ANTXR2: variants seen among roughly 807,000 people sequenced by gnomAD.
ANTXR2 encodes anthrax toxin receptor 2.
A neutral mutation model predicts 73.7 loss-of-function variants in ANTXR2; 44 were observed. The observed-to-expected ratio is 0.60, with a 90% CI of 0.47 to 0.77. The LOEUF is 0.77. Ranked by LOEUF, ANTXR2 falls within the 30% of genes least tolerant of loss-of-function variation. ANTXR2 has a pLI of 0.00. For missense variants in ANTXR2, 604 were observed against 592.5 expected, an observed-to-expected ratio of 1.02 and a Z score of -0.20; for synonymous variants, 217 against 205.9, an observed-to-expected ratio of 1.05 and a Z score of -0.46.
intron 16 of ANTXR2, among the ~76,000 whole-genome samples, chr4:79,948,219 T>C (rs1369692717): frequency 6.6e-6 from 1 of 152,132 alleles, no homozygotes; most frequent in Admixed American, 6.6e-5. Context: ...ATTGGGAAAA[T>C]ACCCCCTCAA....
In ANTXR2 at chr4:80,014,903, C is replaced by T. The variant is rs187174304; in HGVS notation, c.945+3995G>A. 7.2e-5 allele frequency among the ~76,000 whole-genome samples: 11 copies of T among 152,270 alleles called. 1 individual carries two copies. In the South Asian group the frequency reaches 1.9e-3, roughly 26 times the overall value. Reference sequence around the variant, plus strand: ...ACTGGTGGCCTATAATTCCCACCACCCTAGCTTTGAAAATTCTCCAACCTT... The same window carrying T: ...ACTGGTGGCCTATAATTCCCACCACTCTAGCTTTGAAAATTCTCCAACCTT... On this transcript the variant is annotated intron_variant, in intron 11 of 16. Transcript: ENST00000403729.
At chr4:80,035,871 A>T in intron 8 of ANTXR2, 101 bp downstream of exon 8, 3 of 996,200 alleles carry the variant, frequency 3.0e-6, no homozygotes, top group Non-Finnish European at 4.4e-6. Flanking sequence ...CAAAAAAGTT[A>T]ATTTTGCTAT....
intron 16 of ANTXR2, among the ~76,000 whole-genome samples, chr4:79,922,888 A>G (rs1727643557): frequency 6.6e-6 from 1 of 152,142 alleles, no homozygotes; most frequent in Non-Finnish European, 1.5e-5. Flanking sequence ...TAATTAATGT[A>G]TTATCTTAGA....
chr4:80,017,107 G>A (rs780839600), intron 11 of ANTXR2, among the ~76,000 whole-genome samples: 50 of 152,302 alleles, frequency 3.3e-4, no homozygotes, highest in Non-Finnish European at 6.3e-4. Context: ...CAGAAGAAAA[G>A]CTCAGGTCCT....
At chr4:79,930,782 A>G (rs1213611030) in intron 16 of ANTXR2, among the ~76,000 whole-genome samples, 1 of 152,246 alleles carries the variant, frequency 6.6e-6, no homozygotes, top group Non-Finnish European at 1.5e-5. Context: ...ATAATCAAGC[A>G]TACTAAAAGT....
intron 11 of ANTXR2, among the ~76,000 whole-genome samples, chr4:80,010,046 G>T (rs1731496444): frequency 6.8e-6 from 1 of 147,930 alleles, no homozygotes; most frequent in African/African-American, 2.5e-5. Context: ...TTGTTTTGTG[G>T]TTTTTTTTTT....
At chr4:79,945,327 C>T (rs572988248) in intron 16 of ANTXR2, among the ~76,000 whole-genome samples, 1 of 152,094 alleles carries the variant, frequency 6.6e-6, no homozygotes, top group East Asian at 1.9e-4. Context: ...CTTTAAAATT[C>T]CCATTTCAAT....
intron 13 of ANTXR2, among the ~76,000 whole-genome samples, chr4:79,984,492 G>A (rs76269572): frequency 0.018 from 2,730 of 152,158 alleles, 43 homozygotes; most frequent in Middle Eastern, 0.088. Flanking sequence ...AAAGTAATAG[G>A]ATCTTTCAAC....
rs972262071 is a variant in ANTXR2 at position 80,016,209 on chromosome 4, T to C, written c.945+2689A>G. Among the ~76,000 whole-genome samples the C allele has an allele frequency of 1.3e-4, 20 of 152,174 alleles. No individual in the cohort carries two copies. In the East Asian group the frequency reaches 3.5e-3, roughly 26 times the overall value. On this transcript the variant is annotated intron_variant, in intron 11 of 16. Coordinates refer to ENST00000403729, the MANE Select transcript of ANTXR2 (RefSeq NM_058172.6). The stretch of plus-strand genomic sequence containing the variant: ...GAATCACAGCCTGTAGGATGAACTC[T>C]AAATTCAATTCGGTTTCTTAGGTTG...
rs1578139092 is a variant in ANTXR2, at chr4:79,994,701, G to A, written c.1042-9838C>T. On this transcript the variant is annotated intron_variant, in intron 12 of 16. Transcript: ENST00000403729. Reference sequence around the variant, plus strand: ...TAGCATCTAGTTTAATAGTGATATGGGAAAATTGAATTTCAATTTAAAATC... The same window carrying A: ...TAGCATCTAGTTTAATAGTGATATGAGAAAATTGAATTTCAATTTAAAATC... Among the ~76,000 whole-genome samples, 3 of 151,576 alleles carry A rather than the reference G, an allele frequency of 2.0e-5. No homozygotes were observed. In the South Asian group the frequency reaches 6.2e-4, roughly 32 times the overall value.
intron 16 of ANTXR2, among the ~76,000 whole-genome samples, chr4:79,916,971 G>A (rs1239233340): frequency 6.6e-6 from 1 of 152,170 alleles, no homozygotes. Flanking sequence ...GAATGTAAAT[G>A]AGATAAATTT....
intron 12 of ANTXR2, among the ~76,000 whole-genome samples, chr4:80,001,525 G>A (rs1006761097): frequency 6.6e-6 from 1 of 151,820 alleles, no homozygotes; most frequent in African/African-American, 2.4e-5. Context: ...TGTATATTCT[G>A]TTGATTTGGG....
At chr4:79,918,885 T>C (rs1309215243) in intron 16 of ANTXR2, among the ~76,000 whole-genome samples, 3 of 152,060 alleles carry the variant, frequency 2.0e-5, no homozygotes, top group Admixed American at 2.0e-4. Context: ...GTAGAATACA[T>C]GACAAGAGCA....
intron 16 of ANTXR2, among the ~76,000 whole-genome samples, chr4:79,947,514 T>A (rs1274471385): frequency 6.6e-6 from 1 of 152,162 alleles, no homozygotes; most frequent in Non-Finnish European, 1.5e-5. Context: ...TAGCCTCCAA[T>A]CACCCTTTAC....
chr4:79,907,902 A>C (rs879386365), intron 16 of ANTXR2, among the ~76,000 whole-genome samples: 1 of 152,190 alleles, frequency 6.6e-6, no homozygotes, highest in African/African-American at 2.4e-5. Context: ...GAGGAATCCC[A>C]AAAAAGGTAT....
chr4:80,030,940 T>C (rs941257222), intron 10 of ANTXR2, among the ~76,000 whole-genome samples: 17 of 152,094 alleles, frequency 1.1e-4, no homozygotes, highest in East Asian at 9.6e-4. Context: ...TGCTTCATCA[T>C]AGAACTGAAA....
At chr4:80,066,500 T>G (rs953713778) in intron 3 of ANTXR2, among the ~76,000 whole-genome samples, 5 of 152,248 alleles carry the variant, frequency 3.3e-5, no homozygotes, top group South Asian at 2.1e-4. Flanking sequence ...GCAAGTAGTG[T>G]TATTAAAATT....
chr4:80,035,861 C>A, intron 8 of ANTXR2, 111 bp downstream of exon 8: 3 of 895,782 alleles, frequency 3.3e-6, no homozygotes, highest in Admixed American at 3.2e-5. Context: ...AAAAAGATGC[C>A]AAAAAAGTTA....
intron 12 of ANTXR2, among the ~76,000 whole-genome samples, chr4:79,988,987 G>A (rs987251378): frequency 7.2e-5 from 11 of 151,940 alleles, no homozygotes; most frequent in East Asian, 3.8e-4. Context: ...TCTGGGACAC[G>A]GCTAAAGCAG....
Sources: gnomAD v4.1 joint callset for allele counts (sites outside exome capture counted in the v4.1 genomes callset) on GRCh38, gnomAD v4.1.1 for gene constraint, MANE v1.5 for transcripts, NCBI Gene and HGNC (gene_info 2026-07-23, HGNC 2026-07-21) for gene names.